Variants in MCAT observed in about 807,000 individuals in gnomAD.
MCAT encodes the protein malonyl-CoA-acyl carrier protein transacylase, mitochondrial.
In MCAT, 22 loss-of-function variants were observed where a neutral mutation model predicts 22.9. The ratio of observed to expected loss-of-function variants is 0.96; its 90% CI spans 0.69 to 1.37. The LOEUF (loss-of-function observed/expected upper bound fraction) is 1.37, where lower values mean the gene tolerates loss of function less well. Among genes scored for constraint, MCAT ranks in the 40% most tolerant of loss-of-function variants. The pLI, the probability that MCAT is intolerant of heterozygous loss-of-function variation, is 0.00. For synonymous variants in MCAT, 240 were observed against 233.9 expected, an observed-to-expected ratio of 1.03 and a Z score of -0.24; for missense variants, 534 against 533.6, an observed-to-expected ratio of 1.00 and a Z score of -0.01.
At position 43,137,202 on chromosome 22, in the gene MCAT, T is replaced by A. The variant is rs148085512; in HGVS notation, c.608A>T (p.Lys203Met). The A allele has an allele frequency of 6.2e-7, 1 of 1,614,056 alleles. No individual in the cohort carries two copies. Among genetic ancestry groups the A allele is most frequent in the African/African-American group, 1.3e-5 (1 of 74,936 alleles). ...MLSVLGQPQS[K>M]FNFACLEARE... ...GGCTTCCAAACAGGCGAAGTTGAAC[T>A]TGGACTGAGGCTGGCCGAGGACAGA... The change falls in exon 3 of 4, where the codon AAG (lysine) becomes ATG (methionine). Residue 203 changes from lysine to methionine, a missense_variant. Transcript: ENST00000290429.
At chr22:43,136,763 A>T (rs1029588844) in intron 3 of MCAT, among the ~76,000 whole-genome samples, 2 of 152,234 alleles carry the variant, frequency 1.3e-5, no homozygotes, top group Non-Finnish European at 2.9e-5. Context: ...TAAGGAAGCA[A>T]CCAGATCACA....
At chr22:43,135,745 T>A (rs1930590589) in intron 3 of MCAT, among the ~76,000 whole-genome samples, 1 of 152,130 alleles carries the variant, frequency 6.6e-6, no homozygotes, top group Non-Finnish European at 1.5e-5. Context: ...AAGAGGCTCC[T>A]GCCAGCTCTC....
chr22:43,135,516 A>AAAAC (rs1930581583), intron 3 of MCAT, among the ~76,000 whole-genome samples: 1 of 150,520 alleles, frequency 6.6e-6, no homozygotes, highest in African/African-American at 2.5e-5. Flanking sequence ...AAAACAAAAA[A>AAAAC]AAAAAAAAAA....
chr22:43,136,650 G>A (rs1276168530), intron 3 of MCAT, among the ~76,000 whole-genome samples: 1 of 152,224 alleles, frequency 6.6e-6, no homozygotes, highest in Non-Finnish European at 1.5e-5. Flanking sequence ...GTAGCAAATG[G>A]AAGGAAATAC....
In MCAT at chr22:43,133,130, G is replaced by A. The variant is rs1433522011; in HGVS notation, c.1086C>T (p.Asn362=). ...CGCTGTAGGACTTCCAGGCCTGCAT[G>A]TTACAGCTCTTCAGGATGGCTCCCA... ...RQLGAILKSC[N]MQAWKSYSAV... is the part of the protein sequence containing the mutation. Residue 362 remains asparagine (N), a synonymous_variant, in exon 4 of 4, where the codon AAC becomes AAT. Transcript: ENST00000290429. The A allele has an allele frequency of 6.2e-7, 1 of 1,614,206 alleles. No individual in the cohort carries two copies. The highest frequency in any genetic ancestry group is 2.2e-5 in the East Asian group (1 of 44,868).
chr22:43,142,543 T>C (rs1930797864), intron 1 of MCAT, among the ~76,000 whole-genome samples: 1 of 151,220 alleles, frequency 6.6e-6, no homozygotes, highest in South Asian at 2.1e-4. Context: ...TCCCAGCACT[T>C]TGGGAGGCCG....
chr22:43,142,774 C>CAAA (rs151166687), intron 1 of MCAT, 152 bp downstream of exon 1: 88,598 of 657,842 alleles, frequency 0.13, 521 homozygotes, highest in Non-Finnish European at 0.15. Flanking sequence ...GACTCCGTCT[C>CAAA]AAAAAAAAAA....
At chr22:43,137,708 CA>C (rs1242144382) in intron 2 of MCAT, among the ~76,000 whole-genome samples, 5 of 151,180 alleles carry the variant, frequency 3.3e-5, no homozygotes, top group Admixed American at 3.3e-4. Context: ...CCCAACAAAA[CA>C]AATGACCTGG....
intron 2 of MCAT, among the ~76,000 whole-genome samples, chr22:43,137,555 C>T (rs942769265): frequency 1.3e-5 from 2 of 152,168 alleles, no homozygotes; most frequent in Non-Finnish European, 2.9e-5. Flanking sequence ...TGGAGTAGGA[C>T]AGTGGTGCTC....
chr22:43,142,206 G>A (rs1053023140), intron 1 of MCAT, among the ~76,000 whole-genome samples: 1 of 152,240 alleles, frequency 6.6e-6, no homozygotes, highest in African/African-American at 2.4e-5. Context: ...CCACCTTCAA[G>A]TGAAGTGACA....
chr22:43,142,791 A>G (rs1424922560), intron 1 of MCAT, 135 bp downstream of exon 1: 1 of 1,011,162 alleles, frequency 9.9e-7, no homozygotes, highest in East Asian at 3.1e-5. Context: ...AAAAACAAAA[A>G]CAAACAAAAA....
rs1930639469 is a variant in MCAT at position 43,137,193 on chromosome 22, A to T, written c.617T>A (p.Phe206Tyr). The change falls in exon 3 of 4, where the codon TTC becomes TAC. Residue 206 changes from phenylalanine to tyrosine, a missense_variant. Coordinates refer to ENST00000290429, the MANE Select transcript of MCAT (RefSeq NM_173467.5). ...GTGTTCCCGGGCTTCCAAACAGGCG[A>T]AGTTGAACTTGGACTGAGGCTGGCC... is the stretch of plus-strand genomic sequence containing the variant. ...VLGQPQSKFN[F>Y]ACLEAREHCK... The T allele has an allele frequency of 6.2e-7, 1 of 1,614,052 alleles. No homozygotes were observed.
At chr22:43,133,737 AC>A (rs112810919) in intron 3 of MCAT, among the ~76,000 whole-genome samples, 2,664 of 152,170 alleles carry the variant, frequency 0.018, 89 homozygotes, top group African/African-American at 0.061. Context: ...AGCAAACCCT[AC>A]AAGGCATGCA....
rs77536207 is a variant in MCAT at position 43,143,114 on chromosome 22, G to C, written c.235C>G (p.Arg79Gly). The change falls in exon 1 of 4, where the codon CGC (arginine) becomes GGC (glycine). Residue 79 changes from arginine to glycine, a missense_variant. Arg to Gly is a moderately radical substitution (Grantham distance 125, BLOSUM62 -2). Transcript: ENST00000290429. ...ACGCGCGGGTAGTTGAGCAGACCGC[G>C]GCCCATGCCCACCACCTGGCTGCCC... ...GQGSQVVGMGRGLLNYPRVRE... is the reference protein window; with the variant it reads ...GQGSQVVGMGGGLLNYPRVRE... The C allele has an allele frequency of 4.7e-3, 7,464 of 1,602,372 alleles. 20 individuals are homozygous for C. The highest frequency in any genetic ancestry group is 5.6e-3 in the Non-Finnish European group (6,628 of 1,178,064).
In MCAT at chr22:43,143,077, T is replaced by C. The variant is rs550472958; in HGVS notation, c.272A>G (p.Tyr91Cys). The change falls in exon 1 of 4, where the codon TAC becomes TGC. Residue 91 changes from tyrosine (Y) to cysteine (C), a missense_variant. Transcript: ENST00000290429. ...GCCCAGCACGCGGCGGGCGGCGGCGTAGAGTTCGCGGACGCGCGGGTAGTT... is the reference window on the plus strand; with the variant it reads ...GCCCAGCACGCGGCGGGCGGCGGCGCAGAGTTCGCGGACGCGCGGGTAGTT... ...LLNYPRVREL[Y>C]AAARRVLGYD... 19 of 1,608,092 alleles carry C rather than the reference T, an allele frequency of 1.2e-5. No individual in the cohort carries two copies. Among genetic ancestry groups the C allele is most frequent in the South Asian group, 2.2e-5 (2 of 90,794 alleles).
In MCAT at chr22:43,143,388, G is replaced by A. The variant is rs1479963256; in HGVS notation, c.-40C>T. The A allele has an allele frequency of 2.3e-6, 3 of 1,318,648 alleles. No individual in the cohort carries two copies. The highest frequency in any genetic ancestry group is 4.1e-5 in the Admixed American group (1 of 24,380). The allele number at this position is 1,318,648 out of a possible 1,614,324, so 81.7% of individuals were successfully genotyped here. A position where few individuals can be genotyped will look rare whatever the true frequency, so the allele number is the denominator to read the frequency against. ...CCGCGCGCGTTACCGTGGCGACCGA[G>A]GCCCGACTGCGGCGGCGCGGCGCAG... On this transcript the variant is annotated 5_prime_UTR_variant, in exon 1 of 4. Transcript: ENST00000290429.
intron 2 of MCAT, 54 bp downstream of exon 2, chr22:43,141,108 C>A: frequency 6.7e-7 from 1 of 1,482,254 alleles, no homozygotes; most frequent in Non-Finnish European, 9.4e-7. Context: ...GTGTCCCTTA[C>A]CCCTAATGAG....
intron 2 of MCAT, among the ~76,000 whole-genome samples, 173 bp from the exon 3 acceptor site, chr22:43,137,471 C>T (rs1301916423): frequency 6.6e-6 from 1 of 152,226 alleles, no homozygotes; most frequent in Non-Finnish European, 1.5e-5. Context: ...CACAAGCGCT[C>T]ACCACCAAAA....
intron 2 of MCAT, among the ~76,000 whole-genome samples, chr22:43,137,750 T>TTA (rs538698561): frequency 6.0e-5 from 9 of 149,860 alleles, no homozygotes; most frequent in African/African-American, 1.7e-4. Context: ...TTTTTTTTTT[T>TTA]AAATAGTGCC....
Sources: gnomAD v4.1 joint callset for allele counts (sites outside exome capture counted in the v4.1 genomes callset) on GRCh38, gnomAD v4.1.1 for gene constraint, MANE v1.5 for transcripts, NCBI Gene and HGNC (gene_info 2026-07-23, HGNC 2026-07-21) for gene names.